Variants in SNX15 observed in about 807,000 individuals in gnomAD.
SNX15 encodes sorting nexin 15.
In SNX15, 29 loss-of-function variants were observed where a neutral mutation model predicts 35.2. The ratio of observed to expected loss-of-function variants is 0.82; its 90% CI spans 0.61 to 1.12. The LOEUF (loss-of-function observed/expected upper bound fraction) is 1.12, where lower values mean the gene tolerates loss of function less well. SNX15 is among the 50% of genes most tolerant of loss of function. The pLI is 0.00. For missense variants in SNX15, 400 were observed against 451.5 expected (o/e 0.89, Z 1.03); for synonymous variants, 189 against 188.2 (o/e 1.00, Z -0.03).
chr11:65,027,661 T>G, intron 1 of SNX15, 25 bp downstream of exon 1: 1 of 1,574,362 alleles, frequency 6.4e-7, no homozygotes, highest in East Asian at 2.2e-5. Flanking sequence ...AGCGCGTACT[T>G]TACCCTTTTA....
chr11:65,032,608 G>T, intron 3 of SNX15, 57 bp downstream of exon 3: 7 of 1,607,896 alleles, frequency 4.4e-6, no homozygotes, highest in African/African-American at 1.3e-5. Flanking sequence ...GGGCAAAAGG[G>T]GACCTCCGCC....
chr11:65,027,461 G>A lies in SNX15; in HGVS notation c.-77G>A. 1 of 1,169,892 alleles carries A rather than the reference G, an allele frequency of 8.5e-7. No individual in the cohort carries two copies. The highest frequency in any genetic ancestry group is 1.3e-6 in the Non-Finnish European group (1 of 779,648). The allele number at this position is 1,169,892 out of a possible 1,614,324, so 72.5% of individuals were successfully genotyped here. On this transcript the variant is annotated 5_prime_UTR_variant, in exon 1 of 8. Transcript: ENST00000377244. Reference sequence around the variant, plus strand: ...AGCGCAGGCCTGGCGAGGCGGCGGCGGGCGGAGGCTGGGCCGGAGGGGTGG... The same window carrying A: ...AGCGCAGGCCTGGCGAGGCGGCGGCAGGCGGAGGCTGGGCCGGAGGGGTGG...
At chr11:65,035,836 C>CA in intron 6 of SNX15, 173 bp downstream of exon 6, 1 of 610,302 alleles carries the variant, frequency 1.6e-6, no homozygotes, top group Non-Finnish European at 2.6e-6. Flanking sequence ...AAGCCCTGTG[C>CA]CAGGGCACGT....
chr11:65,029,015 C>T (rs1946407730), intron 1 of SNX15, among the ~76,000 whole-genome samples: 1 of 151,900 alleles, frequency 6.6e-6, no homozygotes, highest in Non-Finnish European at 1.5e-5. Context: ...GGAGTGAACC[C>T]GGGAGGTGGA....
rs1946384421 is a variant in SNX15 at position 65,027,493 on chromosome 11, C to T, written c.-45C>T. ...GGCTGGGCCGGAGGGGTGGGGACGGCGAGGAGGTGGAGGCCGGCGCTCCGC... is the reference window on the plus strand; with the variant it reads ...GGCTGGGCCGGAGGGGTGGGGACGGTGAGGAGGTGGAGGCCGGCGCTCCGC... On this transcript the variant is annotated 5_prime_UTR_variant, in exon 1 of 8. Coordinates refer to ENST00000377244, the MANE Select transcript of SNX15 (RefSeq NM_013306.5). 6.6e-7 allele frequency: 1 copy of T among 1,507,824 alleles called. No individual in the cohort carries two copies. Among genetic ancestry groups the T allele is most frequent in the Non-Finnish European group, 9.2e-7 (1 of 1,084,780 alleles). 93.4% of individuals were successfully genotyped at this position (1,507,824 alleles called of 1,614,324 possible).
At chr11:65,039,624 C>A in intron 7 of SNX15, 62 bp from the exon 8 acceptor site, 3 of 1,075,584 alleles carry the variant, frequency 2.8e-6, no homozygotes, top group Non-Finnish European at 4.2e-6. Context: ...AAGGACCCGA[C>A]CAGGGGTTCT....
At chr11:65,028,168 T>C (rs191709706) in intron 1 of SNX15, among the ~76,000 whole-genome samples, 11 of 152,302 alleles carry the variant, frequency 7.2e-5, no homozygotes, top group Admixed American at 2.0e-4. Flanking sequence ...AGAGTTGATA[T>C]ATGAAGCGAT....
At chr11:65,039,078 G>A (rs1946541227) in intron 7 of SNX15, among the ~76,000 whole-genome samples, 1 of 105,476 alleles carries the variant, frequency 9.5e-6, no homozygotes, top group South Asian at 3.0e-4. Flanking sequence ...GTTGCAGGCT[G>A]GAGTGCACAA....
At chr11:65,030,976 T>C (rs1946433975) in intron 1 of SNX15, among the ~76,000 whole-genome samples, 1 of 152,144 alleles carries the variant, frequency 6.6e-6, no homozygotes, top group Non-Finnish European at 1.5e-5. Flanking sequence ...GCATGTCAAT[T>C]ATGTCTGCCT....
At position 65,035,586 on chromosome 11, in the gene SNX15, A is replaced by T; in HGVS notation, c.587A>T (p.Glu196Val). The T allele has an allele frequency of 6.2e-7, 1 of 1,613,982 alleles. No homozygotes were observed. The highest frequency in any genetic ancestry group is 1.3e-5 in the African/African-American group (1 of 75,046). ...CTCCTCTTTAACTGTGAGAGCACCGAGGAGGCATCTGGTTCCCCTGCCCGA... is the reference window on the plus strand; with the variant it reads ...CTCCTCTTTAACTGTGAGAGCACCGTGGAGGCATCTGGTTCCCCTGCCCGA... ...LDLLFNCEST[E>V]EASGSPARGP... Residue 196 changes from glutamate (E) to valine (V), a missense_variant, in exon 6 of 8, where the codon GAG (glutamate) becomes GTG (valine). Transcript: ENST00000377244.
Position 65,039,888 on chromosome 11 carries a change from C to T in SNX15, c.*96C>T. On this transcript the variant is annotated 3_prime_UTR_variant, in exon 8 of 8. Transcript: ENST00000377244. ...GCCCTACCTCCTGGTCTTGTAATTACAGGAGCCATTTCTGTAGGTAACTGG... is the reference window on the plus strand; with the variant it reads ...GCCCTACCTCCTGGTCTTGTAATTATAGGAGCCATTTCTGTAGGTAACTGG... 1.4e-6 allele frequency: 1 copy of T among 735,390 alleles called. No individual in the cohort carries two copies. The highest frequency in any genetic ancestry group is 2.3e-6 in the Non-Finnish European group (1 of 435,366). The allele number at this position is 735,390 out of a possible 1,614,324, so 45.6% of individuals were successfully genotyped here.
At chr11:65,030,224 G>A (rs912407697) in intron 1 of SNX15, among the ~76,000 whole-genome samples, 14 of 151,660 alleles carry the variant, frequency 9.2e-5, no homozygotes, top group Admixed American at 6.6e-4. Context: ...GCATGGTGGC[G>A]CTCACCTGTA....
At chr11:65,038,898 AAAC>A (rs1946534711) in intron 7 of SNX15, 69 bp downstream of exon 7, 9 of 1,333,584 alleles carry the variant, frequency 6.7e-6, no homozygotes, top group Non-Finnish European at 8.9e-6. Flanking sequence ...GGGAGCAAAA[AAAC>A]AAGCAAATCA....
At chr11:65,035,239 G>A in intron 5 of SNX15, 33 bp downstream of exon 5, 1 of 1,532,526 alleles carries the variant, frequency 6.5e-7, no homozygotes, top group Admixed American at 2.3e-5. Context: ...AACCAGGGCT[G>A]GAGGGTGCAG....
chr11:65,029,096 T>TATAAATAAATAAATAA (rs113466481), intron 1 of SNX15, among the ~76,000 whole-genome samples: 5,775 of 148,384 alleles, frequency 0.039, 128 homozygotes, highest in South Asian at 0.086. Flanking sequence ...GTCTCAAAAA[T>TATAAATAAATAAATAA]ATAAATAAAT....
Position 65,040,030 on chromosome 11 carries a change from C to CT in SNX15, c.*239dup. 2.2e-6 allele frequency: 1 copy of CT among 450,254 alleles called. No homozygotes were observed. The highest frequency in any genetic ancestry group is 4.1e-6 in the Non-Finnish European group (1 of 245,256). The allele number at this position is 450,254 out of a possible 1,614,324, so 27.9% of individuals were successfully genotyped here. The stretch of plus-strand genomic sequence containing the variant: ...TTTTGGGGTTTTTTTGAGTTGGAGT[C>CT]TCGCTGTGTCGCCCAGACTGGAGTG... On this transcript the variant is annotated 3_prime_UTR_variant, in exon 8 of 8. Transcript: ENST00000377244.
At chr11:65,039,382 C>T (rs1946548269) in intron 7 of SNX15, among the ~76,000 whole-genome samples, 1 of 152,064 alleles carries the variant, frequency 6.6e-6, no homozygotes, top group South Asian at 2.1e-4. Context: ...TGCCACCACG[C>T]CCAGCGAATT....
intron 1 of SNX15, among the ~76,000 whole-genome samples, chr11:65,028,110 A>G (rs1328210528): frequency 6.6e-6 from 1 of 152,256 alleles, no homozygotes; most frequent in African/African-American, 2.4e-5. Context: ...AGAAGGACTT[A>G]AGGAGTAAGT....
chr11:65,035,848 G>C (rs1039823401), intron 6 of SNX15, 185 bp downstream of exon 6: 7 of 568,598 alleles, frequency 1.2e-5, no homozygotes, highest in Admixed American at 3.7e-5. Context: ...AGGGCACGTG[G>C]TGTGGTGTGC....
Sources: gnomAD v4.1 joint callset for allele counts (sites outside exome capture counted in the v4.1 genomes callset) on GRCh38, gnomAD v4.1.1 for gene constraint, MANE v1.5 for transcripts, NCBI Gene and HGNC (gene_info 2026-07-23, HGNC 2026-07-21) for gene names.